The following KIAA1671 variants were observed in gnomAD, a reference collection of about 807,000 sequenced individuals.
KIAA1671 encodes the protein uncharacterized protein KIAA1671.
Under a neutral mutation model 131.2 loss-of-function variants are expected in KIAA1671, and 52 were observed. That is an observed-to-expected ratio of 0.40 (90% CI 0.32 to 0.50). KIAA1671 has a LOEUF of 0.50. KIAA1671 is among the 20% of genes least tolerant of loss of function. The pLI, the probability that KIAA1671 is intolerant of heterozygous loss-of-function variation, is 0.73. For missense variants in KIAA1671, 2,360 were observed against 2,364.2 expected (o/e 1.00, Z 0.04); for synonymous variants, 1,003 against 961.6 (o/e 1.04, Z -0.80).
At chr22:24,997,386 C>T (rs1433086056) in intron 1 of KIAA1671, among the ~76,000 whole-genome samples, 2 of 152,212 alleles carry the variant, frequency 1.3e-5, no homozygotes, top group Non-Finnish European at 2.9e-5. Context: ...GTCTCTTTCC[C>T]ATCCCAGGAT....
At chr22:25,030,752 G>A (rs1451546617) in intron 3 of KIAA1671, among the ~76,000 whole-genome samples, 1 of 152,166 alleles carries the variant, frequency 6.6e-6, no homozygotes, top group African/African-American at 2.4e-5. Flanking sequence ...TCCCACAAGT[G>A]GCCACAACAG....
At chr22:25,116,076 T>C (rs886749167) in intron 6 of KIAA1671, among the ~76,000 whole-genome samples, 15 of 150,296 alleles carry the variant, frequency 1.0e-4, no homozygotes, top group African/African-American at 3.5e-4. Flanking sequence ...GTGCCCAGCC[T>C]ATTTTCATTT....
chr22:24,986,654 CCCACCCATCCACCCACCCAT>C (rs1569198988), intron 1 of KIAA1671, among the ~76,000 whole-genome samples: 5 of 128,234 alleles, frequency 3.9e-5, no homozygotes, highest in Admixed American at 8.1e-5. Context: ...CATCCACCCA[CCCACCCATCCACCCACCCAT>C]CCACCCATCC....
chr22:25,177,651 A>T, intron 9 of KIAA1671, 129 bp downstream of exon 9: 3 of 699,610 alleles, frequency 4.3e-6, no homozygotes, highest in Non-Finnish European at 4.5e-6. Context: ...TAGGAAACTG[A>T]TTTTTTTTTT....
Position 25,096,222 on chromosome 22 carries a change from C to T in KIAA1671, c.4530+46858C>T, listed in dbSNP as rs189868570. ...ACACCAACTCTAGCATCTCAGAACT[C>T]CAAAAAGTGCTTGTGGCTGTTTGGC... is the stretch of plus-strand genomic sequence containing the variant. On this transcript the variant is annotated intron_variant, in intron 6 of 12. Coordinates refer to ENST00000358431, the MANE Select transcript of KIAA1671 (RefSeq NM_001145206.2). Among the ~76,000 whole-genome samples, 4 of 152,316 alleles carry T rather than the reference C, an allele frequency of 2.6e-5. No homozygotes were observed. The East Asian group carries it at 7.7e-4, about 29-fold the overall frequency.
At chr22:25,026,326 G>C (rs1264208187) in intron 2 of KIAA1671, among the ~76,000 whole-genome samples, 2 of 152,116 alleles carry the variant, frequency 1.3e-5, no homozygotes, top group African/African-American at 4.8e-5. Context: ...CTGGCTGGGG[G>C]CAGTTTCACA....
At chr22:25,121,721 C>T (rs926687043) in intron 6 of KIAA1671, among the ~76,000 whole-genome samples, 1 of 152,076 alleles carries the variant, frequency 6.6e-6, no homozygotes, top group Non-Finnish European at 1.5e-5. Flanking sequence ...AGTATTTTTA[C>T]CACACAGATA....
intron 1 of KIAA1671, among the ~76,000 whole-genome samples, chr22:24,989,148 ATTGTC>A (rs1184218892): frequency 6.6e-6 from 1 of 152,120 alleles, no homozygotes; most frequent in East Asian, 1.9e-4. Context: ...AGGGGTGTTC[ATTGTC>A]TTCCTCTCAC....
At chr22:25,094,539 A>T (rs532086923) in intron 6 of KIAA1671, among the ~76,000 whole-genome samples, 242 of 152,274 alleles carry the variant, frequency 1.6e-3, no homozygotes, top group Non-Finnish European at 2.7e-3. Flanking sequence ...AAGGAGCAGA[A>T]TGGGACCAGT....
At chr22:25,157,352 C>A (rs985984927) in intron 6 of KIAA1671, among the ~76,000 whole-genome samples, 1 of 152,104 alleles carries the variant, frequency 6.6e-6, no homozygotes, top group Non-Finnish European at 1.5e-5. Flanking sequence ...TTCCCCCTCA[C>A]GAATGGCAGG....
chr22:25,152,175 G>T lies in KIAA1671; in HGVS notation c.4531-18645G>T, dbSNP rs544588289. On this transcript the variant is annotated intron_variant, in intron 6 of 12. Transcript: ENST00000358431. ...TGAATGATTTTTGGATACTTAGATT[G>T]CTTCCAGTTTTTCTGTCTTATAAAT... Among the ~76,000 whole-genome samples, 7 of 152,290 alleles carry T rather than the reference G, an allele frequency of 4.6e-5. No homozygotes were observed. In the South Asian group the frequency reaches 1.5e-3, roughly 32 times the overall value.
intron 6 of KIAA1671, chr22:25,070,342 C>A: frequency 2.1e-6 from 1 of 468,442 alleles, no homozygotes; most frequent in South Asian, 5.0e-5. Flanking sequence ...ACTGTGCTCA[C>A]CACATAACCT....
intron 5 of KIAA1671, among the ~76,000 whole-genome samples, chr22:25,047,865 G>A (rs993491008): frequency 1.0e-3 from 157 of 152,280 alleles, no homozygotes; most frequent in African/African-American, 3.6e-3. Context: ...TTATGCCTTT[G>A]GTATCATATT....
rs1934859213 is a variant in KIAA1671, at chr22:25,197,319, A to G, written c.*4918A>G. The G allele has an allele frequency of 1.3e-5, 2 of 152,258 alleles. No individual in the cohort carries two copies. Among genetic ancestry groups the G allele is most frequent in the African/African-American group, 4.8e-5 (2 of 41,462 alleles). The allele number at this position is 152,258 out of a possible 1,614,324, so 9.4% of individuals were successfully genotyped here. On this transcript the variant is annotated 3_prime_UTR_variant, in exon 13 of 13. Transcript: ENST00000358431. ...TATTTTGTAACTGTAAAGAAGTTTCATATGCACAGAAGAGCAGTTGGAAAT... is the reference window on the plus strand; with the variant it reads ...TATTTTGTAACTGTAAAGAAGTTTCGTATGCACAGAAGAGCAGTTGGAAAT...
intron 1 of KIAA1671, chr22:25,023,935 ACT>A (rs1925803055): frequency 2.1e-5 from 2 of 93,302 alleles, no homozygotes; most frequent in African/African-American, 8.9e-5. Context: ...ACAGAGTGAA[ACT>A]CTGTTTCAAA....
At chr22:25,163,537 G>T (rs1276608609) in intron 6 of KIAA1671, among the ~76,000 whole-genome samples, 1 of 147,382 alleles carries the variant, frequency 6.8e-6, no homozygotes, top group East Asian at 2.0e-4. Flanking sequence ...CGCTACCCGG[G>T]TTCAAGTGAT....
chr22:24,992,712 G>A (rs1004658836), intron 1 of KIAA1671, among the ~76,000 whole-genome samples: 3 of 147,830 alleles, frequency 2.0e-5, no homozygotes, highest in African/African-American at 7.4e-5. Flanking sequence ...CTACTCAGGA[G>A]ACTGAGGCAG....
At chr22:25,097,225 C>A (rs994003868) in intron 6 of KIAA1671, among the ~76,000 whole-genome samples, 5 of 152,180 alleles carry the variant, frequency 3.3e-5, no homozygotes, top group Admixed American at 2.0e-4. Context: ...ATTTTGCACT[C>A]CCACCCTCAG....
At chr22:25,124,446 T>C (rs1254455603) in intron 6 of KIAA1671, among the ~76,000 whole-genome samples, 6 of 152,248 alleles carry the variant, frequency 3.9e-5, no homozygotes, top group African/African-American at 1.4e-4. Context: ...CTTCTGCTGT[T>C]CTTTCTTGAT....
Sources: gnomAD v4.1 joint callset for allele counts (sites outside exome capture counted in the v4.1 genomes callset) on GRCh38, gnomAD v4.1.1 for gene constraint, MANE v1.5 for transcripts, NCBI Gene and HGNC (gene_info 2026-07-23, HGNC 2026-07-21) for gene names.